SLC23A2: variants seen among roughly 807,000 people sequenced by gnomAD.
SLC23A2 encodes Na(+)/L-ascorbic acid transporter 2.
SLC23A2 carries 36 observed loss-of-function variants against 73.3 expected under a neutral mutation model. The observed-to-expected ratio is 0.49, with a 90% CI of 0.38 to 0.65. The LOEUF (loss-of-function observed/expected upper bound fraction) is 0.65, where lower values mean the gene tolerates loss of function less well. SLC23A2 is among the 30% of genes least tolerant of loss of function. SLC23A2 has a pLI of 0.00. For synonymous variants in SLC23A2, 343 were observed against 327.3 expected, an observed-to-expected ratio of 1.05 and a Z score of -0.52; for missense variants, 507 against 841.6, an observed-to-expected ratio of 0.60 and a Z score of 4.92.
rs758041566 is a variant in SLC23A2 at position 4,931,068 on chromosome 20, GAAAAAAA to G, written c.108+1380_108+1386del. On this transcript the variant is annotated intron_variant, in intron 3 of 16. Transcript: ENST00000338244. ...CTTAAAATAACTGTTATTTTTTTAA[GAAAAAAA>G]AAAAAAAAAAAAAAAAAGAATCCTC... Among the ~76,000 whole-genome samples, 269 of 75,062 alleles carry G rather than the reference GAAAAAAA, an allele frequency of 3.6e-3. 3 individuals are homozygous for G. In the East Asian group the frequency reaches 0.073, roughly 20 times the overall value. 49.2% of individuals were successfully genotyped at this position (75,062 alleles called of 152,430 possible). A position where few individuals can be genotyped will look rare whatever the true frequency, so the allele number is the denominator to read the frequency against.
rs1047685268 is a variant in SLC23A2, at chr20:4,966,906, C to A, written c.-155+3887G>T. Among the ~76,000 whole-genome samples, 10 of 149,620 alleles carry A rather than the reference C, an allele frequency of 6.7e-5. No homozygotes were observed. The Admixed American group carries it at 6.8e-4, about 10-fold the overall frequency. ...TCAAAGACAACCCTATTATTAATAT[C>A]CTACACAGTCAGCTGGGCAGATTAC... is the stretch of plus-strand genomic sequence containing the variant. On this transcript the variant is annotated intron_variant, in intron 2 of 16. Transcript: ENST00000338244.
At position 4,862,073 on chromosome 20, in the gene SLC23A2, G is replaced by A; in HGVS notation, c.1499C>T (p.Ala500Val). ...GAACTGCAGGTTAGAGAGGCCAACA[G>A]CTGTGATCATTCCTGGAGAAAAACA... The part of the protein sequence containing the change: ...LFCTLFGMIT[A>V]VGLSNLQFID... Residue 500 changes from alanine to valine, a missense_variant, in exon 15 of 17, where the codon GCT (alanine) becomes GTT (valine). This residue lies in a region of SLC23A2 where 168 missense variants were observed against 302.3 expected (regional missense o/e 0.56). Transcript: ENST00000338244. The surrounding 1 kb of genome is among the most constrained non-coding windows in gnomAD (Gnocchi z 5.1). 6.2e-7 allele frequency: 1 copy of A among 1,614,168 alleles called. No homozygotes were observed.
chr20:4,995,123 G>A (rs1156847116), intron 1 of SLC23A2, among the ~76,000 whole-genome samples: 1 of 152,082 alleles, frequency 6.6e-6, no homozygotes, highest in African/African-American at 2.4e-5. Context: ...GGAGCTGGGG[G>A]TATGTATATA....
At chr20:4,906,775 T>C (rs1931972029) in intron 4 of SLC23A2, among the ~76,000 whole-genome samples, 1 of 152,162 alleles carries the variant, frequency 6.6e-6, no homozygotes, top group Non-Finnish European at 1.5e-5. Context: ...ACAGGAGGAA[T>C]AAATATGATA....
chr20:4,943,496 C>T (rs887401396), intron 2 of SLC23A2, among the ~76,000 whole-genome samples: 2 of 144,570 alleles, frequency 1.4e-5, no homozygotes, highest in Admixed American at 6.8e-5. Flanking sequence ...GACGAAACCC[C>T]ATTTCTACCA....
chr20:4,937,070 C>T (rs557887799), intron 2 of SLC23A2, among the ~76,000 whole-genome samples: 2 of 152,264 alleles, frequency 1.3e-5, no homozygotes, highest in East Asian at 3.9e-4. Flanking sequence ...CCCAAAAGGA[C>T]AGAGCATTCC....
chr20:4,898,441 G>T (rs1406109921), intron 6 of SLC23A2, among the ~76,000 whole-genome samples: 1 of 152,218 alleles, frequency 6.6e-6, no homozygotes, highest in Admixed American at 6.5e-5. Context: ...TGACTCATCA[G>T]AATGCAGTCC....
chr20:4,895,244 C>G (rs1317088636), intron 6 of SLC23A2, among the ~76,000 whole-genome samples: 1 of 152,146 alleles, frequency 6.6e-6, no homozygotes, highest in African/African-American at 2.4e-5. Context: ...AAAACACAAC[C>G]CAAAAAAGCC....
chr20:4,963,192 C>T (rs2087420505), intron 2 of SLC23A2, among the ~76,000 whole-genome samples: 1 of 152,200 alleles, frequency 6.6e-6, no homozygotes, highest in African/African-American at 2.4e-5. Context: ...TCACTCTTTG[C>T]TATTCTCCCA....
At chr20:4,880,914 G>A (rs1247951676) in intron 9 of SLC23A2, among the ~76,000 whole-genome samples, 4 of 152,186 alleles carry the variant, frequency 2.6e-5, no homozygotes, top group Non-Finnish European at 5.9e-5. Flanking sequence ...GAGGACCCCT[G>A]GGAGACATGA....
At chr20:4,909,104 T>G (rs2122887061) in intron 4 of SLC23A2, among the ~76,000 whole-genome samples, 1 of 152,292 alleles carries the variant, frequency 6.6e-6, no homozygotes. Flanking sequence ...TGTTAACATC[T>G]GGGGCATCTG....
At chr20:4,920,469 A>C (rs1479337221) in intron 3 of SLC23A2, among the ~76,000 whole-genome samples, 4 of 152,168 alleles carry the variant, frequency 2.6e-5, no homozygotes, top group Non-Finnish European at 4.4e-5. Flanking sequence ...TCTATCCTTC[A>C]ATTACACCTG....
At chr20:4,978,534 G>A (rs1006618786) in intron 1 of SLC23A2, among the ~76,000 whole-genome samples, 1 of 152,160 alleles carries the variant, frequency 6.6e-6, no homozygotes, top group Non-Finnish European at 1.5e-5. Flanking sequence ...AATGAAGGGG[G>A]TGGAAAGAAT....
chr20:4,959,239 G>T (rs2087341086), intron 2 of SLC23A2, among the ~76,000 whole-genome samples: 1 of 151,344 alleles, frequency 6.6e-6, no homozygotes, highest in Non-Finnish European at 1.5e-5. Flanking sequence ...AAAAAATGGT[G>T]TATGACATAC....
intron 5 of SLC23A2, among the ~76,000 whole-genome samples, chr20:4,900,902 C>A (rs576889940): frequency 1.2e-4 from 18 of 152,290 alleles, no homozygotes; most frequent in Non-Finnish European, 2.4e-4. Flanking sequence ...GCCAAACATG[C>A]CACATGCAGC....
In SLC23A2 at chr20:4,857,250, G is replaced by C. The variant is rs1412138491; in HGVS notation, c.1721-46C>G. On this transcript the variant is annotated intron_variant, in intron 16 of 16. Coordinates refer to ENST00000338244, the MANE Select transcript of SLC23A2 (RefSeq NM_005116.6). This position sits in a 1 kb window ranked among gnomAD's most constrained non-coding sequence, Gnocchi z 4.0. ...GAACAAAGGAATGCTTCGTTTAGCA[G>C]CTCTACTGAAAATGAAACTGTCGTC... The C allele has an allele frequency of 4.6e-6, 5 of 1,081,278 alleles. No homozygotes were observed. In the Admixed American group the frequency reaches 8.3e-5, roughly 18 times the overall value. The allele number at this position is 1,081,278 out of a possible 1,614,324, so 67.0% of individuals were successfully genotyped here. A position where few individuals can be genotyped will look rare whatever the true frequency, so the allele number is the denominator to read the frequency against.
rs987336369 is a variant in SLC23A2, at chr20:4,857,726, T to G, written c.1721-522A>C. ...TGAGAGGATCACATGAAGTCAGGAG[T>G]TCGAGACCAGCCTAGCCAACATGGT... On this transcript the variant is annotated intron_variant, in intron 16 of 16. Coordinates refer to ENST00000338244, the MANE Select transcript of SLC23A2 (RefSeq NM_005116.6). This position sits in a 1 kb window ranked among gnomAD's most constrained non-coding sequence, Gnocchi z 4.0. 1.3e-4 allele frequency among the ~76,000 whole-genome samples: 20 copies of G among 151,924 alleles called. No homozygotes were observed. Among genetic ancestry groups the G allele is most frequent in the African/African-American group, 4.8e-4 (20 of 41,356 alleles).
intron 3 of SLC23A2, among the ~76,000 whole-genome samples, chr20:4,932,183 T>C (rs1932797714): frequency 6.6e-6 from 1 of 152,188 alleles, no homozygotes; most frequent in Non-Finnish European, 1.5e-5. Context: ...GTCTTCAACA[T>C]CCTCCAGGAC....
chr20:4,891,880 A>C (rs1931343424), intron 6 of SLC23A2, among the ~76,000 whole-genome samples: 1 of 151,998 alleles, frequency 6.6e-6, no homozygotes, highest in Admixed American at 6.5e-5. Context: ...CCTCCCGAGA[A>C]GCTGGGACCA....
Sources: gnomAD v4.1 joint callset for allele counts (sites outside exome capture counted in the v4.1 genomes callset) on GRCh38, gnomAD v4.1.1 for gene constraint, gnomAD v4.1.1 regional missense constraint, Gnocchi (gnomAD v3.1) non-coding constraint, MANE v1.5 for transcripts, NCBI Gene and HGNC (gene_info 2026-07-23, HGNC 2026-07-21) for gene names.